Variants in PDIA2 observed in about 807,000 individuals in gnomAD.
The protein encoded by PDIA2 is protein disulfide isomerase family A member 2, also known as protein disulfide-isomerase A2.
Under a neutral mutation model 51.1 loss-of-function variants are expected in PDIA2, and 76 were observed. The observed-to-expected ratio is 1.49, with a 90% CI of 1.24 to 1.80. The LOEUF (loss-of-function observed/expected upper bound fraction) is 1.80, where lower values mean the gene tolerates loss of function less well. Among genes scored for constraint, PDIA2 ranks in the 40% most tolerant of loss-of-function variants. The probability of loss-of-function intolerance (pLI) is 0.00; values close to 1 mark genes in which losing one functional copy is unlikely to be tolerated. For synonymous variants in PDIA2, 429 were observed against 309.9 expected (o/e 1.38, Z -4.04); for missense variants, 946 against 706.5 (o/e 1.34, Z -3.84).
Position 286,340 on chromosome 16 carries a change from TGGTTTCCCCCAGCCCTATCTCCTGAGCCA to T in PDIA2, c.1120-10_1138del. 2 of 1,526,346 alleles carry T rather than the reference TGGTTTCCCCCAGCCCTATCTCCTGAGCCA, an allele frequency of 1.3e-6. No homozygotes were observed. Among genetic ancestry groups the T allele is most frequent in the African/African-American group, 3.1e-5 (2 of 64,354 alleles). 94.6% of individuals were successfully genotyped at this position (1,526,346 alleles called of 1,614,324 possible). On this transcript the variant is annotated splice_acceptor_variant and splice_polypyrimidine_tract_variant and coding_sequence_variant and intron_variant, in exon 8 of 11. Transcript: ENST00000219406. LOFTEE classifies it high-confidence loss of function. ...AGGACCCCTGGCAAAGCGCCTGTCC[TGGTTTCCCCCAGCCCTATCTCCTGAGCCA>T]GGAGATACCCCCTGATTGGGATCAG...
chr16:283,520 A>G, intron 1 of PDIA2, 152 bp downstream of exon 1: 1 of 841,578 alleles, frequency 1.2e-6, no homozygotes, highest in South Asian at 1.9e-5. Flanking sequence ...GCTCTCTAGG[A>G]GGGGCCTGGG....
Position 285,366 on chromosome 16 carries a change from A to C in PDIA2, c.850A>C (p.Asn284His). 1 of 1,612,624 alleles carries C rather than the reference A, an allele frequency of 6.2e-7. No homozygotes were observed. The highest frequency in any genetic ancestry group is 8.5e-7 in the Non-Finnish European group (1 of 1,179,834). ...RILNHLLLFV[N>H]QTLAAHRELL... ...CCTCAACCACCTGCTGCTGTTTGTC[A>C]ACCAGACGCTGGCTGCGCACCGGGA... Residue 284 changes from asparagine to histidine, a missense_variant, in exon 6 of 11, where the codon AAC becomes CAC. Coordinates refer to ENST00000219406, the MANE Select transcript of PDIA2 (RefSeq NM_006849.4).
chr16:284,896 G>GTGGCCACCTTCTTGGCCT lies in PDIA2; in HGVS notation c.565_582dup (p.Thr189_Ala194dup), dbSNP rs1311973753. 5.6e-6 allele frequency: 9 copies of GTGGCCACCTTCTTGGCCT among 1,612,588 alleles called. No homozygotes were observed. The highest frequency in any genetic ancestry group is 6.8e-6 in the Non-Finnish European group (8 of 1,179,686). On this transcript the variant is annotated inframe_insertion, in exon 4 of 11. Transcript: ENST00000219406. ...CCCTCAGGACCTGCAGGACGAGGAC[G>GTGGCCACCTTCTTGGCCT]TGGCCACCTTCTTGGCCTTGGCCCA...
intron 4 of PDIA2, 24 bp downstream of exon 4, chr16:285,039 T>TG: frequency 6.2e-7 from 1 of 1,613,174 alleles, no homozygotes; most frequent in East Asian, 2.2e-5. Context: ...AGGTGTGGGT[T>TG]GGGGTCCGGC....
At chr16:287,006 C>A (rs959409195) in intron 10 of PDIA2, 61 bp downstream of exon 10, 1 of 1,611,822 alleles carries the variant, frequency 6.2e-7, no homozygotes, top group African/African-American at 1.3e-5. Context: ...ACAGGGCTGG[C>A]AGGGGCGGGG....
chr16:283,258 C>T lies in PDIA2; in HGVS notation c.89C>T (p.Ser30Leu), dbSNP rs769578461. The change falls in exon 1 of 11, where the codon TCG (serine) becomes TTG (leucine). Residue 30 changes from serine to leucine, a missense_variant. Physicochemically the swap from Ser to Leu is moderately radical, Grantham distance 145. Transcript: ENST00000219406. ...CAGGAACAGGGAGCGAGGAGCCCCTCGGAGGAGCCTCCAGAGGAGGAAATC... is the reference window on the plus strand; with the variant it reads ...CAGGAACAGGGAGCGAGGAGCCCCTTGGAGGAGCCTCCAGAGGAGGAAATC... Reference protein sequence around the residue: ...WGQEQGARSPSEEPPEEEIPK... With the variant: ...WGQEQGARSPLEEPPEEEIPK... 5.7e-5 allele frequency: 92 copies of T among 1,610,540 alleles called. No individual in the cohort carries two copies. Among genetic ancestry groups the T allele is most frequent in the Non-Finnish European group, 7.0e-5 (83 of 1,179,048 alleles).
chr16:283,558 G>A (rs961469650), intron 1 of PDIA2, among the ~76,000 whole-genome samples, 190 bp downstream of exon 1: 1 of 152,246 alleles, frequency 6.6e-6, no homozygotes, highest in African/African-American at 2.4e-5. Context: ...CAGGAGCAGT[G>A]TGGTAGTACT....
Position 284,946 on chromosome 16 carries a change from C to A in PDIA2, c.609C>A (p.Gly203=). Residue 203 remains glycine (G), a synonymous_variant, in exon 4 of 11, where the codon GGC becomes GGA. Coordinates refer to ENST00000219406, the MANE Select transcript of PDIA2 (RefSeq NM_006849.4). ...LAQDALDMTF[G]LTDRPRLFQQ... is the part of the protein sequence containing the mutation. ...AGGACGCCCTGGACATGACCTTTGGCCTCACAGACCGGCCGCGGCTCTTTC... is the reference window on the plus strand; with the variant it reads ...AGGACGCCCTGGACATGACCTTTGGACTCACAGACCGGCCGCGGCTCTTTC... 6.2e-7 allele frequency: 1 copy of A among 1,613,360 alleles called. No homozygotes were observed. Among genetic ancestry groups the A allele is most frequent in the Non-Finnish European group, 8.5e-7 (1 of 1,180,020 alleles).
rs1376109870 is a variant in PDIA2, at chr16:285,618, A to AG, written c.1035dup (p.Lys346GlufsTer39). On this transcript the variant is annotated frameshift_variant, in exon 7 of 11. Coordinates refer to ENST00000219406, the MANE Select transcript of PDIA2 (RefSeq NM_006849.4). LOFTEE classifies it high-confidence loss of function. ...CGCTTGGTCAACCTTGAAACCACTA[A>AG]GAAGTATGCGCCTGTGGATGGGGGC... The AG allele has an allele frequency of 1.2e-6, 2 of 1,613,174 alleles. No individual in the cohort carries two copies. Among genetic ancestry groups the AG allele is most frequent in the African/African-American group, 2.7e-5 (2 of 74,868 alleles).
At position 286,965 on chromosome 16, in the gene PDIA2, G is replaced by A. The variant is rs952208213; in HGVS notation, c.1533+20G>A. On this transcript the variant is annotated intron_variant, in intron 10 of 10. Transcript: ENST00000219406. The stretch of plus-strand genomic sequence containing the variant: ...TTCCCGGTGGGTGTCCCTAAGCCAG[G>A]GCTCCAGGCCTCTGCACAAATCCTC... 11 of 1,604,556 alleles carry A rather than the reference G, an allele frequency of 6.9e-6. No homozygotes were observed. The highest frequency in any genetic ancestry group is 9.4e-6 in the Non-Finnish European group (11 of 1,176,200).
Position 285,198 on chromosome 16 carries a change from C to T in PDIA2, c.793C>T (p.Gln265Ter), listed in dbSNP as rs1388269706. The T allele has an allele frequency of 1.2e-6, 2 of 1,613,048 alleles. No individual in the cohort carries two copies. Among genetic ancestry groups the T allele is most frequent in the South Asian group, 1.1e-5 (1 of 91,086 alleles). The change falls in exon 5 of 11, where the codon CAG (glutamine) becomes TAG (stop). Residue 265 changes from glutamine (Q) to a stop codon, truncating the protein, a stop_gained and splice_region_variant. Transcript: ENST00000219406. LOFTEE classifies it high-confidence loss of function. ...GCGCCTGGTCACGGAGTTCAACAGC[C>T]AGGTGCGTAGGCTGCAGTGCCTGGG... Reference protein sequence around the residue: ...SMRLVTEFNSQTSAKIFAARI... With the variant: ...SMRLVTEFNS
rs182349041 is a variant in PDIA2 at position 284,531 on chromosome 16, C to T, written c.344C>T (p.Thr115Met). 4.6e-3 allele frequency: 7,453 copies of T among 1,612,494 alleles called. 36 individuals carry two copies. Among genetic ancestry groups the T allele is most frequent in the Non-Finnish European group, 4.8e-3 (5,677 of 1,179,668 alleles). ...GAGCTGGCTGAGGAGTTTGGTGTGA[C>T]GGAGTACCCTACGCTCAAGTTCTTC... is the stretch of plus-strand genomic sequence containing the variant. ...QRELAEEFGV[T>M]EYPTLKFFRN... Residue 115 changes from threonine to methionine, a missense_variant, in exon 2 of 11, where the codon ACG becomes ATG. By Grantham distance (81) the Thr-to-Met change is moderately conservative. Transcript: ENST00000219406.
At position 286,661 on chromosome 16, in the gene PDIA2, G is replaced by A. The variant is rs1343310017; in HGVS notation, c.1348G>A (p.Ala450Thr). The A allele has an allele frequency of 2.5e-6, 4 of 1,612,678 alleles. No homozygotes were observed. The highest frequency in any genetic ancestry group is 2.7e-5 in the African/African-American group (2 of 75,048). Residue 450 changes from alanine to threonine, a missense_variant, in exon 9 of 11, where the codon GCC (alanine) becomes ACC (threonine). Ala to Thr is a moderately conservative substitution (Grantham distance 58). Coordinates refer to ENST00000219406, the MANE Select transcript of PDIA2 (RefSeq NM_006849.4). ...DIIIAELDAT[A>T]NELDAFAVHG... ...CATCATTGCTGAGCTGGATGCCACG[G>A]CCAACGAGCTGGATGCCTTCGCTGT...
In PDIA2 at chr16:286,846, CA is replaced by C. The variant is rs759083031; in HGVS notation, c.1438del (p.Ser480AlafsTer74). 1 of 1,610,390 alleles carries C rather than the reference CA, an allele frequency of 6.2e-7. No homozygotes were observed. Among genetic ancestry groups the C allele is most frequent in the Non-Finnish European group, 8.5e-7 (1 of 1,178,896 alleles). ...CTGCCTCTTCTCAGGTGATTGAATA[CA>C]AAAGCACCAGGGACCTGGAGACTTT... is the stretch of plus-strand genomic sequence containing the variant. Reference protein sequence around the residue: ...AGPGRKVIEYKSTRDLETFSK... With the variant: ...AGPGRKVIEYXSTRDLETFSK... On this transcript the variant is annotated frameshift_variant, in exon 10 of 11. Coordinates refer to ENST00000219406, the MANE Select transcript of PDIA2 (RefSeq NM_006849.4). LOFTEE classifies it high-confidence loss of function.
chr16:285,867 A>T (rs1171094906), intron 7 of PDIA2, among the ~76,000 whole-genome samples, 164 bp downstream of exon 7: 3 of 121,768 alleles, frequency 2.5e-5, no homozygotes, highest in African/African-American at 1.1e-4. Context: ...CCCAACCCCA[A>T]CCCGGCGGTT....
intron 1 of PDIA2, chr16:284,007 G>C: frequency 3.2e-6 from 1 of 310,158 alleles, no homozygotes; most frequent in Admixed American, 4.2e-5. Context: ...TGGGATTATA[G>C]GCATACGCAA....
At chr16:283,863 C>G (rs427791) in intron 1 of PDIA2, among the ~76,000 whole-genome samples, 1 of 152,086 alleles carries the variant, frequency 6.6e-6, no homozygotes, top group Non-Finnish European at 1.5e-5. Context: ...AGGGAGGGGT[C>G]TTTTTATTTT....
At position 285,531 on chromosome 16, in the gene PDIA2, C is replaced by CGTGGT; in HGVS notation, c.948_949insTGGTG (p.Ala317TrpfsTer63). 6.2e-7 allele frequency: 1 copy of CGTGGT among 1,612,988 alleles called. No individual in the cohort carries two copies. The highest frequency in any genetic ancestry group is 1.6e-4 in the Middle Eastern group (1 of 6,062). On this transcript the variant is annotated frameshift_variant, in exon 7 of 11. Coordinates refer to ENST00000219406, the MANE Select transcript of PDIA2 (RefSeq NM_006849.4). LOFTEE classifies it high-confidence loss of function. Reference sequence around the variant, plus strand: ...GTGCTGTTCGTGGTGGTGGACGTGGCGGCCGACAATGAGCACGTGCTGCAG... The same window carrying CGTGGT: ...GTGCTGTTCGTGGTGGTGGACGTGGCGTGGTGGCCGACAATGAGCACGTGCTGCAG...
In PDIA2 at chr16:287,074, A is replaced by G; in HGVS notation, c.1539A>G (p.Pro513=). 1 of 1,612,730 alleles carries G rather than the reference A, an allele frequency of 6.2e-7. No individual in the cohort carries two copies. The highest frequency in any genetic ancestry group is 8.5e-7 in the Non-Finnish European group (1 of 1,179,962). ...GCACTTGTGACCCTTTCTAGGAGCCACCGGCCAACTCCACTATGGGGTCCA... is the reference window on the plus strand; with the variant it reads ...GCACTTGTGACCCTTTCTAGGAGCCGCCGGCCAACTCCACTATGGGGTCCA... ...PEEPAAPFPE[P]PANSTMGSKE... The change falls in exon 11 of 11, where the codon CCA becomes CCG. Residue 513 remains proline, a synonymous_variant. Coordinates refer to ENST00000219406, the MANE Select transcript of PDIA2 (RefSeq NM_006849.4).
Sources: gnomAD v4.1 joint callset for allele counts (sites outside exome capture counted in the v4.1 genomes callset) on GRCh38, gnomAD v4.1.1 for gene constraint, MANE v1.5 for transcripts, NCBI Gene and HGNC (gene_info 2026-07-23, HGNC 2026-07-21) for gene names.